The following TMEM68 variants were observed in gnomAD, a reference collection of about 807,000 sequenced individuals.
The protein encoded by TMEM68 is DGAT1/2-independent enzyme synthesizing storage lipids.
A neutral mutation model predicts 36.9 loss-of-function variants in TMEM68; 25 were observed. The observed-to-expected ratio is 0.68, with a 90% CI of 0.49 to 0.95. The LOEUF is 0.95. Ranked by LOEUF, TMEM68 falls within the 40% of genes least tolerant of loss-of-function variation. The probability of loss-of-function intolerance (pLI) is 0.00; values close to 1 mark genes in which losing one functional copy is unlikely to be tolerated. For missense variants in TMEM68, 333 were observed against 392.0 expected, an observed-to-expected ratio of 0.85 and a Z score of 1.27; for synonymous variants, 131 against 124.4, an observed-to-expected ratio of 1.05 and a Z score of -0.35.
At chr8:55,770,962 C>T (rs964452457) in intron 1 of TMEM68, among the ~76,000 whole-genome samples, 1 of 152,006 alleles carries the variant, frequency 6.6e-6, no homozygotes, top group Non-Finnish European at 1.5e-5. Context: ...TCGAGACCAG[C>T]CTGACCAATG....
chr8:55,753,448 G>GT (rs1470986821), intron 4 of TMEM68, among the ~76,000 whole-genome samples: 1 of 152,140 alleles, frequency 6.6e-6, no homozygotes, highest in East Asian at 1.9e-4. Context: ...ATGATGTTCT[G>GT]TTTTTTAGTT....
At chr8:55,750,867 A>C (rs1345753575) in intron 5 of TMEM68, 97 bp downstream of exon 5, 5 of 1,254,824 alleles carry the variant, frequency 4.0e-6, no homozygotes, top group Non-Finnish European at 4.4e-6. Flanking sequence ...TATTGCAGCG[A>C]AAGTGTCTAA....
chr8:55,745,220 G>C (rs1240996693), intron 5 of TMEM68, 99 bp from the exon 6 acceptor site: 2 of 682,404 alleles, frequency 2.9e-6, no homozygotes, highest in Non-Finnish European at 2.2e-6. Context: ...TTAAGAAAGA[G>C]AAAAGGCACC....
Position 55,751,039 on chromosome 8 carries a change from T to G in TMEM68, c.612A>C (p.Leu204=), listed in dbSNP as rs1327358877. ...AISPGGVREA[L]ISDETYNIVW... Reference sequence around the variant, plus strand: ...CGATGTTATAAGTTTCATCACTAATTAGGGCTTCTCGAACTCCACCTGGTG... The same window carrying G: ...CGATGTTATAAGTTTCATCACTAATGAGGGCTTCTCGAACTCCACCTGGTG... Residue 204 remains leucine (L), a synonymous_variant, in exon 5 of 8, where the codon CTA becomes CTC. Coordinates refer to ENST00000434581, the MANE Select transcript of TMEM68 (RefSeq NM_001286657.2). The G allele has an allele frequency of 1.9e-6, 3 of 1,613,954 alleles. No individual in the cohort carries two copies. The highest frequency in any genetic ancestry group is 2.5e-6 in the Non-Finnish European group (3 of 1,180,010).
intron 7 of TMEM68, among the ~76,000 whole-genome samples, chr8:55,740,871 T>C (rs990527672): frequency 1.3e-5 from 2 of 152,008 alleles, no homozygotes; most frequent in Admixed American, 1.3e-4. Flanking sequence ...TTTACATACA[T>C]ATATACTTCC....
At chr8:55,762,532 TTATA>T in intron 3 of TMEM68, 99 bp downstream of exon 3, 1 of 1,565,186 alleles carries the variant, frequency 6.4e-7, no homozygotes, top group African/African-American at 1.4e-5. Context: ...ATCACTTCTA[TTATA>T]TTTTTCAGTA....
Position 55,750,987 on chromosome 8 carries a change from G to T in TMEM68, c.664C>A (p.Gln222Lys). 1 of 1,611,110 alleles carries T rather than the reference G, an allele frequency of 6.2e-7. No homozygotes were observed. The highest frequency in any genetic ancestry group is 1.1e-5 in the South Asian group (1 of 90,458). The change falls in exon 5 of 8, where the codon CAG becomes AAG. Residue 222 changes from glutamine (Q) to lysine (K), a missense_variant. Physicochemically the swap from Gln to Lys is moderately conservative, Grantham distance 53 (BLOSUM62 1). Coordinates refer to ENST00000434581, the MANE Select transcript of TMEM68 (RefSeq NM_001286657.2). ...ACCACTTTTGCATCAATTGCAACCTGAGCAAAGCCTCTGCGATGACCCCAT... is the reference window on the plus strand; with the variant it reads ...ACCACTTTTGCATCAATTGCAACCTTAGCAAAGCCTCTGCGATGACCCCAT... Reference protein sequence around the residue: ...IVWGHRRGFAQVAIDAKVPII... With the variant: ...IVWGHRRGFAKVAIDAKVPII...
At chr8:55,760,628 A>T (rs1197479573) in intron 3 of TMEM68, 1 of 152,248 alleles carries the variant, frequency 6.6e-6, no homozygotes, top group East Asian at 1.9e-4. Flanking sequence ...TACGAAATAA[A>T]CATTCAAAAA....
intron 7 of TMEM68, among the ~76,000 whole-genome samples, chr8:55,740,637 A>G (rs1810071703): frequency 6.6e-6 from 1 of 152,246 alleles, no homozygotes. Flanking sequence ...TAAAGAGGAA[A>G]AAAAATAGAA....
intron 4 of TMEM68, among the ~76,000 whole-genome samples, chr8:55,753,162 T>C (rs1433993333): frequency 6.6e-6 from 1 of 152,120 alleles, no homozygotes; most frequent in Admixed American, 6.6e-5. Context: ...GAGGAAAATT[T>C]TTTGAAAAAG....
chr8:55,764,327 G>C (rs1810898990), intron 1 of TMEM68, among the ~76,000 whole-genome samples: 2 of 152,100 alleles, frequency 1.3e-5, no homozygotes, highest in Non-Finnish European at 2.9e-5. Flanking sequence ...ATAACCTGAA[G>C]GTGAAACATA....
chr8:55,767,459 A>G (rs1384366447), intron 1 of TMEM68, among the ~76,000 whole-genome samples: 2 of 152,192 alleles, frequency 1.3e-5, no homozygotes, highest in Non-Finnish European at 2.9e-5. Flanking sequence ...TAAGATGTCT[A>G]TTGGACATCC....
At chr8:55,766,317 G>A (rs13274924) in intron 1 of TMEM68, among the ~76,000 whole-genome samples, 127,837 of 151,274 alleles carry the variant, frequency 0.85, 54,353 homozygotes, top group East Asian at 0.99. Context: ...GAAAGTGACA[G>A]GGAGGGCACT....
At chr8:55,748,042 C>T (rs2129931666) in intron 5 of TMEM68, 1 of 152,274 alleles carries the variant, frequency 6.6e-6, no homozygotes, top group Non-Finnish European at 1.5e-5. Flanking sequence ...TAAAAGAAAG[C>T]TTACCCTAGC....
chr8:55,745,922 G>C (rs987208160), intron 5 of TMEM68: 12 of 151,990 alleles, frequency 7.9e-5, no homozygotes, highest in African/African-American at 2.4e-4. Context: ...TCGTGGAATT[G>C]GTAAAATTTT....
chr8:55,768,139 G>C lies in TMEM68; in HGVS notation c.-114-4159C>G, dbSNP rs1275208235. The stretch of plus-strand genomic sequence containing the variant: ...GATCACTTCCTTCCTGTAGGAGACA[G>C]CTTTAAAAAAAAAAAAAAAATGATA... On this transcript the variant is annotated intron_variant, in intron 1 of 7. Coordinates refer to ENST00000434581, the MANE Select transcript of TMEM68 (RefSeq NM_001286657.2). 8.3e-5 allele frequency among the ~76,000 whole-genome samples: 12 copies of C among 144,178 alleles called. No individual in the cohort carries two copies. The East Asian group carries it at 2.0e-3, about 23-fold the overall frequency. The allele number at this position is 144,178 out of a possible 152,430, so 94.6% of individuals were successfully genotyped here. A position where few individuals can be genotyped will look rare whatever the true frequency, so the allele number is the denominator to read the frequency against.
At chr8:55,743,346 G>A in intron 7 of TMEM68, 135 bp downstream of exon 7, 1 of 1,133,954 alleles carries the variant, frequency 8.8e-7, no homozygotes, top group Non-Finnish European at 1.2e-6. Flanking sequence ...GTTCCCTAGG[G>A]TATACAATCA....
At chr8:55,766,361 T>C (rs1223840698) in intron 1 of TMEM68, among the ~76,000 whole-genome samples, 2 of 150,382 alleles carry the variant, frequency 1.3e-5, no homozygotes, top group East Asian at 2.0e-4. Flanking sequence ...ACTGTAGAGC[T>C]TTCTATGCAC....
intron 3 of TMEM68, chr8:55,760,840 C>G (rs1251674718): frequency 6.6e-6 from 1 of 152,160 alleles, no homozygotes; most frequent in Non-Finnish European, 1.5e-5. Flanking sequence ...TCATTTCTTT[C>G]CAATTACATA....
Sources: allele counts gnomAD v4.1 joint callset (sites outside exome capture counted in the v4.1 genomes callset), GRCh38; gene constraint gnomAD v4.1.1; transcripts MANE v1.5; gene names NCBI Gene and HGNC (gene_info 2026-07-23, HGNC 2026-07-21).